The following CALD1 variants were observed in gnomAD, a reference collection of about 807,000 sequenced individuals.
The protein encoded by CALD1 is caldesmon.
In CALD1, 33 loss-of-function variants were observed where a neutral mutation model predicts 99.9. The ratio of observed to expected loss-of-function variants is 0.33; its 90% confidence interval spans 0.25 to 0.44. The LOEUF is 0.44. CALD1 is among the 20% of genes least tolerant of loss of function. CALD1 has a pLI of 1.00. For missense variants in CALD1, 861 were observed against 962.1 expected (o/e 0.89, Z 1.39); for synonymous variants, 310 against 325.0 (o/e 0.95, Z 0.50).
intron 1 of CALD1, among the ~76,000 whole-genome samples, chr7:134,820,724 A>G (rs1798741603): frequency 6.6e-6 from 1 of 152,204 alleles, no homozygotes; most frequent in South Asian, 2.1e-4. Context: ...TTCAAAGGAA[A>G]AATCTATGTG....
chr7:134,726,439 C>A, the CALD1 span, among the ~76,000 whole-genome samples: 3 of 87,958 alleles, frequency 3.4e-5, no homozygotes, highest in African/African-American at 1.4e-4. Context: ...TATTATATAG[C>A]TTTATATATA....
intron 1 of CALD1, among the ~76,000 whole-genome samples, chr7:134,790,641 AAGTTAG>A (rs1356096914): frequency 2.0e-5 from 3 of 152,196 alleles, no homozygotes; most frequent in Non-Finnish European, 4.4e-5. Flanking sequence ...GAGGTTGCTC[AAGTTAG>A]AGTTAGACAA....
rs898802283 is a variant in CALD1, at chr7:134,926,266, A to G, written c.72-2488A>G. On this transcript the variant is annotated intron_variant, in intron 3 of 14. Transcript: ENST00000361675. ...GTCACACACAAGAAAATTTAACTCT[A>G]AAATTTAACTTTAAATTTAACTTTA... Among the ~76,000 whole-genome samples the G allele has an allele frequency of 2.0e-5, 3 of 152,338 alleles. 1 individual carries two copies. The South Asian group carries it at 6.2e-4, about 32-fold the overall frequency.
At chr7:134,821,586 T>A (rs1463756976) in intron 1 of CALD1, among the ~76,000 whole-genome samples, 4 of 86,112 alleles carry the variant, frequency 4.6e-5, no homozygotes, top group African/African-American at 1.6e-4. Flanking sequence ...TCAACGACAT[T>A]TTTTTTTTTT....
chr7:134,787,041 G>A (rs1730712580), intron 1 of CALD1, among the ~76,000 whole-genome samples: 2 of 152,152 alleles, frequency 1.3e-5, no homozygotes, highest in South Asian at 4.1e-4. Context: ...ACAGTTCTGT[G>A]CACCTATCGT....
chr7:134,825,930 C>A (rs190860666), intron 1 of CALD1, among the ~76,000 whole-genome samples: 41 of 152,142 alleles, frequency 2.7e-4, no homozygotes, highest in Admixed American at 1.4e-3. Flanking sequence ...TCAGTTTCAC[C>A]AACACCATCT....
chr7:134,861,460 C>T (rs1173613683), intron 2 of CALD1, among the ~76,000 whole-genome samples: 7 of 152,272 alleles, frequency 4.6e-5, no homozygotes, highest in South Asian at 4.2e-4. Flanking sequence ...AGGATATACA[C>T]GACATGCTCC....
chr7:134,803,629 C>A (rs920829664), intron 1 of CALD1, among the ~76,000 whole-genome samples: 1 of 151,746 alleles, frequency 6.6e-6, no homozygotes, highest in African/African-American at 2.4e-5. Flanking sequence ...GTCAAAAAAC[C>A]TTGTCTTTAT....
chr7:134,790,900 G>A (rs1797502491), intron 1 of CALD1, among the ~76,000 whole-genome samples: 1 of 152,164 alleles, frequency 6.6e-6, no homozygotes, highest in Admixed American at 6.5e-5. Context: ...AAAGGCAGAG[G>A]ATCAGTTCAG....
chr7:134,763,932 A>G (rs911762860), intron 1 of CALD1, among the ~76,000 whole-genome samples: 1 of 152,046 alleles, frequency 6.6e-6, no homozygotes, highest in East Asian at 1.9e-4. Context: ...AAAAAAAAAA[A>G]AAAAAGTATT....
chr7:134,960,261 G>A, intron 12 of CALD1, 150 bp downstream of exon 12: 1 of 891,448 alleles, frequency 1.1e-6, no homozygotes, highest in Non-Finnish European at 1.7e-6. Context: ...AGCAAGCTCA[G>A]AGAGAATGTG....
intron 1 of CALD1, among the ~76,000 whole-genome samples, chr7:134,755,418 G>A (rs1796719734): frequency 6.6e-6 from 1 of 152,050 alleles, no homozygotes; most frequent in Non-Finnish European, 1.5e-5. Context: ...GCTTTTCATT[G>A]ATTACAAGTA....
chr7:134,756,575 G>A (rs1001348736), intron 1 of CALD1, among the ~76,000 whole-genome samples: 1 of 151,922 alleles, frequency 6.6e-6, no homozygotes. Flanking sequence ...AAATTATATG[G>A]AGTTCTCACT....
rs144149848 is a variant in CALD1 at position 134,826,708 on chromosome 7, C to T, written c.-129-17176C>T. ...AAACCTGGATATGCCCAAATTGTTC[C>T]TGGATTATTCTTTCATTTCAGATCC... is the stretch of plus-strand genomic sequence containing the variant. On this transcript the variant is annotated intron_variant, in intron 1 of 14. Transcript: ENST00000361675. Among the ~76,000 whole-genome samples the T allele has an allele frequency of 5.9e-5, 9 of 152,206 alleles. No individual in the cohort carries two copies. In the East Asian group the frequency reaches 1.7e-3, roughly 29 times the overall value.
chr7:134,718,284 C>T, the CALD1 span, among the ~76,000 whole-genome samples: 1 of 152,150 alleles, frequency 6.6e-6, no homozygotes, highest in Non-Finnish European at 1.5e-5. Context: ...ATGTCATAAG[C>T]ACTTTACATG....
intron 2 of CALD1, among the ~76,000 whole-genome samples, chr7:134,849,303 T>C (rs1164175943): frequency 6.6e-6 from 1 of 152,326 alleles, no homozygotes; most frequent in East Asian, 1.9e-4. Context: ...TATTGTTTCC[T>C]AGATTCTAAC....
At chr7:134,800,107 AAG>A (rs570476791) in intron 1 of CALD1, among the ~76,000 whole-genome samples, 3 of 152,322 alleles carry the variant, frequency 2.0e-5, no homozygotes, top group African/African-American at 4.8e-5. Context: ...TGCACACAAA[AAG>A]AGAATTTTAA....
chr7:134,819,115 A>T (rs773939668), intron 1 of CALD1, among the ~76,000 whole-genome samples: 19 of 152,146 alleles, frequency 1.2e-4, no homozygotes, highest in Non-Finnish European at 2.5e-4. Flanking sequence ...GCCTGACTAG[A>T]TGAAGTAAGA....
At chr7:134,836,299 A>G (rs1401931737) in intron 1 of CALD1, among the ~76,000 whole-genome samples, 1 of 152,168 alleles carries the variant, frequency 6.6e-6, no homozygotes, top group Admixed American at 6.5e-5. Context: ...GAAGCCATAC[A>G]CAGGAACACA....
Sources: allele counts gnomAD v4.1 joint callset (sites outside exome capture counted in the v4.1 genomes callset), GRCh38; gene constraint gnomAD v4.1.1; transcripts MANE v1.5; gene names NCBI Gene and HGNC (gene_info 2026-07-23, HGNC 2026-07-21).